Variants in KITLG observed in about 807,000 individuals in gnomAD.
KITLG encodes the protein KIT ligand.
In KITLG, 13 loss-of-function variants were observed where a neutral mutation model predicts 34.1. That is an observed-to-expected ratio of 0.38 (90% confidence interval 0.25 to 0.61). The LOEUF (loss-of-function observed/expected upper bound fraction) is 0.61, where lower values mean the gene tolerates loss of function less well. Among genes scored for constraint, KITLG ranks in the 20% least tolerant of loss-of-function variants. The pLI, the probability that KITLG is intolerant of heterozygous loss-of-function variation, is 0.60. For synonymous variants in KITLG, 110 were observed against 104.0 expected, an observed-to-expected ratio of 1.06 and a Z score of -0.35; for missense variants, 292 against 318.9, an observed-to-expected ratio of 0.92 and a Z score of 0.64.
chr12:88,553,327 T>C (rs769344084), intron 1 of KITLG, among the ~76,000 whole-genome samples: 19 of 152,202 alleles, frequency 1.2e-4, no homozygotes, highest in Non-Finnish European at 2.6e-4. Flanking sequence ...CCTAAATATG[T>C]GGGTGTGCAC....
At chr12:88,575,653 C>A (rs1740130883) in intron 1 of KITLG, among the ~76,000 whole-genome samples, 1 of 152,116 alleles carries the variant, frequency 6.6e-6, no homozygotes, top group Non-Finnish European at 1.5e-5. Context: ...GGTGTTCCCT[C>A]AACTTGTTTT....
chr12:88,551,433 T>C (rs1383488956), intron 1 of KITLG, among the ~76,000 whole-genome samples: 3 of 152,246 alleles, frequency 2.0e-5, no homozygotes, highest in South Asian at 4.1e-4. Context: ...AAACAGTGAA[T>C]TGAAATATTA....
chr12:88,536,631 T>C (rs1033328005), intron 2 of KITLG, among the ~76,000 whole-genome samples: 1 of 152,178 alleles, frequency 6.6e-6, no homozygotes, highest in African/African-American at 2.4e-5. Flanking sequence ...GTGGCACATA[T>C]ACAGCATGGA....
chr12:88,572,423 C>A (rs1035965045), intron 1 of KITLG, among the ~76,000 whole-genome samples: 1 of 150,778 alleles, frequency 6.6e-6, no homozygotes, highest in Non-Finnish European at 1.5e-5. Context: ...TTCTTAAAGA[C>A]CCTAGTTTCA....
At chr12:88,579,170 T>A (rs949781787) in intron 1 of KITLG, among the ~76,000 whole-genome samples, 12 of 152,214 alleles carry the variant, frequency 7.9e-5, no homozygotes, top group Non-Finnish European at 1.6e-4. Context: ...GGTCATTTGA[T>A]AAAGCATTTT....
chr12:88,511,373 G>T (rs1158631846), intron 6 of KITLG, among the ~76,000 whole-genome samples: 5 of 152,150 alleles, frequency 3.3e-5, no homozygotes, highest in Non-Finnish European at 1.5e-5. Context: ...GCTCATGTTT[G>T]CCCTGGTTTT....
rs542195758 is a variant in KITLG, at chr12:88,578,222, C to T, written c.15+2042G>A. ...GATTTTGGGCTATTTCCAGTGTCCC[C>T]TTTTTCAGTGACTGTGGAATCGCTA... On this transcript the variant is annotated intron_variant, in intron 1 of 9. Coordinates refer to ENST00000644744, the MANE Select transcript of KITLG (RefSeq NM_000899.5). Among the ~76,000 whole-genome samples the T allele has an allele frequency of 1.1e-4, 17 of 152,230 alleles. No individual in the cohort carries two copies. In the South Asian group the frequency reaches 3.5e-3, roughly 32 times the overall value.
rs555920747 is a variant in KITLG at position 88,545,642 on chromosome 12, T to C, written c.129+110A>G. 27 of 652,742 alleles carry C rather than the reference T, an allele frequency of 4.1e-5. No individual in the cohort carries two copies. In the South Asian group the frequency reaches 4.7e-4, roughly 11 times the overall value. 40.4% of individuals were successfully genotyped at this position (652,742 alleles called of 1,614,324 possible). A position where few individuals can be genotyped will look rare whatever the true frequency, so the allele number is the denominator to read the frequency against. On this transcript the variant is annotated intron_variant, in intron 2 of 9. Coordinates refer to ENST00000644744, the MANE Select transcript of KITLG (RefSeq NM_000899.5). ...AACCCAGTGATTACTTTCCCCACTT[T>C]AGGAAAACATTACTTTGGGGCAAGA...
At chr12:88,504,455 T>C (rs895190550) in intron 9 of KITLG, among the ~76,000 whole-genome samples, 10 of 152,226 alleles carry the variant, frequency 6.6e-5, no homozygotes, top group Non-Finnish European at 1.2e-4. Context: ...GGGCGAAGGA[T>C]ATGAACAGAC....
At chr12:88,535,869 C>A (rs929656347) in intron 2 of KITLG, among the ~76,000 whole-genome samples, 1 of 152,010 alleles carries the variant, frequency 6.6e-6, no homozygotes, top group Non-Finnish European at 1.5e-5. Flanking sequence ...TGGAACTAGA[C>A]CCCTACTATT....
chr12:88,535,725 C>A (rs998797548), intron 2 of KITLG, among the ~76,000 whole-genome samples: 76 of 152,084 alleles, frequency 5.0e-4, no homozygotes, highest in African/African-American at 1.5e-3. Context: ...CATCTCTAAT[C>A]TGAAATCTAA....
At chr12:88,559,289 T>C (rs376375594) in intron 1 of KITLG, among the ~76,000 whole-genome samples, 4 of 152,146 alleles carry the variant, frequency 2.6e-5, no homozygotes, top group Non-Finnish European at 5.9e-5. Context: ...AGATCTGATA[T>C]GGGAAGGAAA....
At chr12:88,518,611 G>C in intron 4 of KITLG, 86 bp downstream of exon 4, 1 of 974,024 alleles carries the variant, frequency 1.0e-6, no homozygotes, top group South Asian at 1.4e-5. Flanking sequence ...CATAAATAAA[G>C]GTGCCTCATT....
Position 88,496,745 on chromosome 12 carries a change from A to G in KITLG, c.*474T>C, listed in dbSNP as rs1163109254. On this transcript the variant is annotated 3_prime_UTR_variant, in exon 10 of 10. Transcript: ENST00000644744. ...CTACTGAGTTTTAAACATTTTTTCC[A>G]GATCCCTTTGAGAAAAATTGTTACC... The G allele has an allele frequency of 1.3e-5, 2 of 153,312 alleles. No homozygotes were observed. The highest frequency in any genetic ancestry group is 1.3e-4 in the Admixed American group (2 of 15,292). 9.5% of individuals were successfully genotyped at this position (153,312 alleles called of 1,614,324 possible).
chr12:88,534,795 C>T, intron 2 of KITLG: 1 of 416,640 alleles, frequency 2.4e-6, no homozygotes, highest in Non-Finnish European at 4.7e-6. Context: ...ACCAAGCTTC[C>T]ATAATTTCTT....
At chr12:88,572,727 T>A (rs1189640453) in intron 1 of KITLG, among the ~76,000 whole-genome samples, 1 of 151,756 alleles carries the variant, frequency 6.6e-6, no homozygotes, top group Non-Finnish European at 1.5e-5. Flanking sequence ...ATGCTAATAA[T>A]TTCCTCTGAA....
intron 1 of KITLG, among the ~76,000 whole-genome samples, chr12:88,578,041 C>T (rs1871888715): frequency 6.6e-6 from 1 of 152,128 alleles, no homozygotes; most frequent in South Asian, 2.1e-4. Context: ...ACATTAGAAT[C>T]AGAACAATCG....
intron 1 of KITLG, among the ~76,000 whole-genome samples, chr12:88,579,454 T>G (rs939203602): frequency 6.6e-6 from 1 of 152,080 alleles, no homozygotes; most frequent in Non-Finnish European, 1.5e-5. Context: ...ACCAGGTATT[T>G]TCTTCAAGGG....
intron 2 of KITLG, among the ~76,000 whole-genome samples, chr12:88,540,261 G>A (rs1432186375): frequency 1.3e-5 from 2 of 152,034 alleles, no homozygotes; most frequent in African/African-American, 4.8e-5. Context: ...AAACTACTGG[G>A]AAGGCATTAT....
Sources: allele counts gnomAD v4.1 joint callset (sites outside exome capture counted in the v4.1 genomes callset), GRCh38; gene constraint gnomAD v4.1.1; transcripts MANE v1.5; gene names NCBI Gene and HGNC (gene_info 2026-07-23, HGNC 2026-07-21).